The following ZGRF1 variants were observed in gnomAD, a reference collection of about 807,000 sequenced individuals.
The protein encoded by ZGRF1 is zinc finger GRF-type containing 1, also known as 5'-3' DNA helicase ZGRF1.
ZGRF1 carries 196 observed loss-of-function variants against 203.5 expected under a neutral mutation model. That is an observed-to-expected ratio of 0.96 (90% CI 0.86 to 1.08). ZGRF1 has a LOEUF of 1.08. Among genes scored for constraint, ZGRF1 ranks in the 50% least tolerant of loss-of-function variants. ZGRF1 has a pLI of 0.00. For synonymous variants in ZGRF1, 809 were observed against 841.3 expected (o/e 0.96, Z 0.66); for missense variants, 2,326 against 2,416.3 (o/e 0.96, Z 0.78).
intron 8 of ZGRF1, 96 bp from the exon 9 acceptor site, chr4:112,606,187 G>A (rs989342822): frequency 1.2e-6 from 1 of 800,860 alleles, no homozygotes; most frequent in African/African-American, 1.7e-5. Context: ...ACTTAAGTTT[G>A]CCCTGTGAAA....
chr4:112,612,472 G>T, intron 7 of ZGRF1, 52 bp downstream of exon 7: 1 of 1,161,476 alleles, frequency 8.6e-7, no homozygotes, highest in Non-Finnish European at 1.3e-6. Flanking sequence ...ACAAATTATA[G>T]AACATTCTTA....
intron 3 of ZGRF1, among the ~76,000 whole-genome samples, chr4:112,629,152 C>G (rs1013502677): frequency 2.5e-4 from 38 of 152,196 alleles, no homozygotes; most frequent in African/African-American, 7.5e-4. Flanking sequence ...TCTCAAATTT[C>G]AATCCAAAAT....
In ZGRF1 at chr4:112,587,688, GA is replaced by G. The variant is rs1560813306; in HGVS notation, c.3368del (p.Phe1123SerfsTer8). On this transcript the variant is annotated frameshift_variant, in exon 12 of 28. Coordinates refer to ENST00000505019, the MANE Select transcript of ZGRF1 (RefSeq NM_018392.5). LOFTEE classifies it high-confidence loss of function. Reference protein sequence around the residue: ...IEPEDQNETFFSEESREVNPG... With the variant: ...IEPEDQNETFXSEESREVNPG... ...GATTCACTTCCCTAGATTCTTCAGAGAAAAAGGTTTCATTTTGGTCCTCAGG... is the reference window on the plus strand; with the variant it reads ...GATTCACTTCCCTAGATTCTTCAGAGAAAAGGTTTCATTTTGGTCCTCAGG... 1 of 1,610,582 alleles carries G rather than the reference GA, an allele frequency of 6.2e-7. No individual in the cohort carries two copies. The highest frequency in any genetic ancestry group is 1.7e-5 in the Admixed American group (1 of 59,054).
intron 3 of ZGRF1, chr4:112,628,955 C>G (rs1377196939): frequency 5.9e-6 from 2 of 340,610 alleles, no homozygotes; most frequent in Non-Finnish European, 1.1e-5. Context: ...ATGCAAAGAC[C>G]TGAATATTCA....
chr4:112,595,923 C>G (rs1362577733), intron 10 of ZGRF1, among the ~76,000 whole-genome samples: 2 of 152,096 alleles, frequency 1.3e-5, no homozygotes, highest in African/African-American at 4.8e-5. Flanking sequence ...GATAAAAATA[C>G]AGAATTTCTT....
In ZGRF1 at chr4:112,618,086, A is replaced by T. The variant is rs940499230; in HGVS notation, c.1956T>A (p.Asp652Glu). The change falls in exon 6 of 28, where the codon GAT (aspartate) becomes GAA (glutamate). Residue 652 changes from aspartate (D) to glutamate (E), a missense_variant. Transcript: ENST00000505019. The part of the protein sequence containing the change: ...LSNFESFKWT[D>E]AVYGDNKEDA... Reference sequence around the variant, plus strand: ...CTTCTTTATTATCTCCGTATACAGCATCAGTCCACTTGAAAGATTCAAAAT... The same window carrying T: ...CTTCTTTATTATCTCCGTATACAGCTTCAGTCCACTTGAAAGATTCAAAAT... 1.9e-6 allele frequency: 3 copies of T among 1,613,838 alleles called. No homozygotes were observed. The highest frequency in any genetic ancestry group is 2.7e-5 in the African/African-American group (2 of 74,914).
rs797015941 is a variant in ZGRF1, at chr4:112,548,650, A to C, written c.5347-270T>G. Among the ~76,000 whole-genome samples the C allele has an allele frequency of 4.6e-5, 7 of 151,464 alleles. 1 individual carries two copies. Among genetic ancestry groups the C allele is most frequent in the African/African-American group, 1.7e-4 (7 of 41,242 alleles). On this transcript the variant is annotated intron_variant, in intron 22 of 27. Transcript: ENST00000505019. ...TGATATTCAGACGGAAAGTATCACA[A>C]TATCAAGCATTTGTTAAACATCTAG...
Position 112,577,920 on chromosome 4 carries a change from C to A in ZGRF1, c.4438+3743G>T, listed in dbSNP as rs1453912102. On this transcript the variant is annotated intron_variant, in intron 16 of 27. Transcript: ENST00000505019. The stretch of plus-strand genomic sequence containing the variant: ...TCCAGGAATTGAACTCAGCTCTGCA[C>A]AAAGCGGACCTAATAGATATCTACA... Among the ~76,000 whole-genome samples, 6 of 120,936 alleles carry A rather than the reference C, an allele frequency of 5.0e-5. 2 individuals are homozygous for A. Among genetic ancestry groups the A allele is most frequent in the Non-Finnish European group, 1.1e-4 (6 of 54,332 alleles). 79.3% of individuals were successfully genotyped at this position (120,936 alleles called of 152,430 possible).
At chr4:112,575,008 AGAGT>A (rs997063265) in intron 16 of ZGRF1, among the ~76,000 whole-genome samples, 15 of 151,956 alleles carry the variant, frequency 9.9e-5, no homozygotes, top group African/African-American at 3.6e-4. Context: ...CTTCAGCAAC[AGAGT>A]GAGACTCTGT....
At chr4:112,583,582 G>C (rs1000579545) in intron 15 of ZGRF1, among the ~76,000 whole-genome samples, 16 of 152,108 alleles carry the variant, frequency 1.1e-4, no homozygotes, top group African/African-American at 3.1e-4. Context: ...GAGATGGGAG[G>C]ATCATTTGAG....
intron 24 of ZGRF1, among the ~76,000 whole-genome samples, chr4:112,543,816 T>G (rs1738198802): frequency 6.6e-6 from 1 of 152,156 alleles, no homozygotes. Flanking sequence ...ATATTACCTA[T>G]TCAAAAATGT....
chr4:112,589,084 C>CA (rs1206798529), intron 11 of ZGRF1, among the ~76,000 whole-genome samples: 6 of 151,918 alleles, frequency 3.9e-5, no homozygotes. Flanking sequence ...CATCCAAAAT[C>CA]AAAAAACTAT....
chr4:112,609,926 G>C (rs1751337100), intron 7 of ZGRF1, among the ~76,000 whole-genome samples: 1 of 152,122 alleles, frequency 6.6e-6, no homozygotes, highest in Non-Finnish European at 1.5e-5. Context: ...GACTGCTTGA[G>C]CCCATGAGTT....
chr4:112,589,583 A>G, intron 11 of ZGRF1, 141 bp downstream of exon 11: 1 of 712,538 alleles, frequency 1.4e-6, no homozygotes, highest in Non-Finnish European at 2.4e-6. Context: ...AAAAAGTTCA[A>G]AGGAAGAAAG....
intron 22 of ZGRF1, among the ~76,000 whole-genome samples, chr4:112,553,572 GAA>G (rs1740357207): frequency 6.6e-6 from 1 of 152,168 alleles, no homozygotes; most frequent in Non-Finnish European, 1.5e-5. Context: ...CCTATAAAAA[GAA>G]AGTAAACAGG....
rs1274114908 is a variant in ZGRF1 at position 112,587,630 on chromosome 4, G to C, written c.3427C>G (p.Gln1143Glu). 1.2e-6 allele frequency: 2 copies of C among 1,613,686 alleles called. No homozygotes were observed. Among genetic ancestry groups the C allele is most frequent in the African/African-American group, 2.7e-5 (2 of 74,912 alleles). ...TTTTGATATTTCAGCCACTTGCTCT[G>C]AGTAGATATATTATTAAGTGAAACA... ...GDVSLNNIST[Q>E]SKWLKYQNTS... Residue 1143 changes from glutamine to glutamate, a missense_variant, in exon 12 of 28, where the codon CAG becomes GAG. Physicochemically the swap from Gln to Glu is conservative, Grantham distance 29 (BLOSUM62 2). Coordinates refer to ENST00000505019, the MANE Select transcript of ZGRF1 (RefSeq NM_018392.5).
At chr4:112,591,862 C>A (rs1225154782) in intron 10 of ZGRF1, among the ~76,000 whole-genome samples, 2 of 152,128 alleles carry the variant, frequency 1.3e-5, no homozygotes, top group Admixed American at 6.6e-5. Flanking sequence ...ACTTAAGACA[C>A]TCTGAGGTGC....
At chr4:112,613,028 T>C (rs1337040649) in intron 6 of ZGRF1, among the ~76,000 whole-genome samples, 2 of 152,186 alleles carry the variant, frequency 1.3e-5, no homozygotes. Flanking sequence ...GCATGGTGGC[T>C]CATGCCTGTA....
chr4:112,578,770 C>T (rs1462998243), intron 16 of ZGRF1, among the ~76,000 whole-genome samples: 27 of 120,554 alleles, frequency 2.2e-4, no homozygotes, highest in African/African-American at 4.7e-4. Context: ...GAAATTGAGG[C>T]AATCATTAAT....
Sources: gnomAD v4.1 joint callset for allele counts (sites outside exome capture counted in the v4.1 genomes callset) on GRCh38, gnomAD v4.1.1 for gene constraint, MANE v1.5 for transcripts, NCBI Gene and HGNC (gene_info 2026-07-23, HGNC 2026-07-21) for gene names.